The following ALKBH7 variants were observed in gnomAD, a reference collection of about 807,000 sequenced individuals.
The protein encoded by ALKBH7 is alkB homolog 7, RNA demethylase, also known as RNA demethylase ALKBH7, mitochondrial.
A neutral mutation model predicts 19.3 loss-of-function variants in ALKBH7; 21 were observed. The observed-to-expected ratio is 1.09, with a 90% CI of 0.77 to 1.56. The LOEUF (loss-of-function observed/expected upper bound fraction) is 1.56, where lower values mean the gene tolerates loss of function less well. Ranked by LOEUF, ALKBH7 falls within the 40% of genes most tolerant of loss-of-function variation. The pLI is 0.00. For synonymous variants in ALKBH7, 147 were observed against 139.5 expected (o/e 1.05, Z -0.38); for missense variants, 354 against 311.4 (o/e 1.14, Z -1.03).
At chr19:6,373,960 C>G in intron 1 of ALKBH7, 1 of 985,082 alleles carries the variant, frequency 1.0e-6, no homozygotes, top group Non-Finnish European at 1.2e-6. Flanking sequence ...TAGGGAGATT[C>G]AGCCAATTGA....
rs1201823647 is a variant in ALKBH7 at position 6,372,911 on chromosome 19, G to A, written c.91G>A (p.Asp31Asn). The change falls in exon 1 of 4, where the codon GAC becomes AAC. Residue 31 changes from aspartate to asparagine, a missense_variant. Coordinates refer to ENST00000245812, the MANE Select transcript of ALKBH7 (RefSeq NM_032306.4). ...CCCTTCCGTGCTGAGCCGCCTGCAG[G>A]ACGCGGCCGTGGTGCGGCCTGGCTT... ...SGPSVLSRLQDAAVVRPGFLS... is the reference protein window; with the variant it reads ...SGPSVLSRLQNAAVVRPGFLS... The A allele has an allele frequency of 1.3e-6, 2 of 1,557,260 alleles. No homozygotes were observed. Among genetic ancestry groups the A allele is most frequent in the East Asian group, 4.8e-5 (2 of 41,726 alleles).
intron 1 of ALKBH7, chr19:6,373,473 A>C: frequency 2.5e-6 from 1 of 407,630 alleles, no homozygotes; most frequent in Non-Finnish European, 3.9e-6. Context: ...GGGGCCAGGG[A>C]GTCGGGTGTA....
intron 1 of ALKBH7, chr19:6,373,907 A>G (rs2091906399): frequency 5.1e-6 from 5 of 984,994 alleles, no homozygotes; most frequent in African/African-American, 1.8e-5. Context: ...GAGCCAGATG[A>G]TGTTGAGAGA....
chr19:6,373,686 C>T lies in ALKBH7; in HGVS notation c.205-517C>T, dbSNP rs887221685. The T allele has an allele frequency of 1.3e-4, 165 of 1,241,002 alleles. 1 individual carries two copies. The highest frequency in any genetic ancestry group is 1.7e-4 in the Admixed American group (4 of 23,636). The allele number at this position is 1,241,002 out of a possible 1,614,324, so 76.9% of individuals were successfully genotyped here. ...GAGGTTTAGAGAGGGCAGAACCACG[C>T]TGGGGGCGGAGATAGGGGAGACACA... is the stretch of plus-strand genomic sequence containing the variant. On this transcript the variant is annotated intron_variant, in intron 1 of 3. Coordinates refer to ENST00000245812, the MANE Select transcript of ALKBH7 (RefSeq NM_032306.4).
chr19:6,373,419 T>A, intron 1 of ALKBH7: 1 of 96,280 alleles, frequency 1.0e-5, no homozygotes, highest in Non-Finnish European at 1.7e-5. Context: ...GGATGGGGCG[T>A]GGCCACGCTT....
chr19:6,373,207 G>C (rs535916104), intron 1 of ALKBH7, among the ~76,000 whole-genome samples, 183 bp downstream of exon 1: 1 of 134,384 alleles, frequency 7.4e-6, no homozygotes, highest in Admixed American at 7.8e-5. Flanking sequence ...TTACAGTACC[G>C]TTTAGCGTGG....
intron 3 of ALKBH7, 21 bp from the exon 4 acceptor site, chr19:6,374,790 A>G (rs1319346173): frequency 1.2e-6 from 2 of 1,605,184 alleles, no homozygotes; most frequent in East Asian, 4.5e-5. Flanking sequence ...GCACCCAGTC[A>G]CAGCCTGTTT....
At chr19:6,374,422 A>C in intron 2 of ALKBH7, 43 bp from the exon 3 acceptor site, 1 of 1,605,236 alleles carries the variant, frequency 6.2e-7, no homozygotes, top group African/African-American at 1.3e-5. Context: ...GGGGGTAGGC[A>C]GGCCCGGTTA....
At position 6,372,827 on chromosome 19, in the gene ALKBH7, G is replaced by A. The variant is rs761791289; in HGVS notation, c.7G>A (p.Gly3Arg). Residue 3 changes from glycine to arginine, a missense_variant, in exon 1 of 4, where the codon GGG becomes AGG. By Grantham distance (125) the Gly-to-Arg change is moderately radical. Transcript: ENST00000245812. MAGTGLLALRTLP... is the reference protein window; with the variant it reads MARTGLLALRTLP... ...ATGACCCCGCTCCGGGATTATGGCCGGGACTGGGCTGCTGGCGCTGCGGAC... is the reference window on the plus strand; with the variant it reads ...ATGACCCCGCTCCGGGATTATGGCCAGGACTGGGCTGCTGGCGCTGCGGAC... The A allele has an allele frequency of 6.5e-7, 1 of 1,544,168 alleles. No individual in the cohort carries two copies. Among genetic ancestry groups the A allele is most frequent in the South Asian group, 1.2e-5 (1 of 84,344 alleles).
At position 6,374,256 on chromosome 19, in the gene ALKBH7, G is replaced by A. The variant is rs141011103; in HGVS notation, c.258G>A (p.Arg86=). Residue 86 remains arginine, a synonymous_variant, in exon 2 of 4, where the codon CGG becomes CGA. Transcript: ENST00000245812. ...TEKSRWSEAS[R]AILQRVQAAA... is the part of the protein sequence containing the mutation. Reference sequence around the variant, plus strand: ...AGTCGCGCTGGTCAGAAGCCAGCCGGGCCATCCTGCAGCGCGTGCAGGCGG... The same window carrying A: ...AGTCGCGCTGGTCAGAAGCCAGCCGAGCCATCCTGCAGCGCGTGCAGGCGG... 36 of 1,613,238 alleles carry A rather than the reference G, an allele frequency of 2.2e-5. No homozygotes were observed. The African/African-American group carries it at 4.8e-4, about 22-fold the overall frequency.
chr19:6,374,613 A>G (rs759944662), intron 3 of ALKBH7, 24 bp downstream of exon 3: 18 of 1,611,930 alleles, frequency 1.1e-5, no homozygotes, highest in Non-Finnish European at 1.5e-5. Flanking sequence ...GGCAGCACCC[A>G]CCCCTCCAAG....
chr19:6,375,194 G>C lies in ALKBH7; in HGVS notation c.*221G>C. The C allele has an allele frequency of 7.5e-7, 1 of 1,339,330 alleles. No individual in the cohort carries two copies. Among genetic ancestry groups the C allele is most frequent in the Non-Finnish European group, 9.7e-7 (1 of 1,030,038 alleles). The allele number at this position is 1,339,330 out of a possible 1,614,324, so 83.0% of individuals were successfully genotyped here. A position where few individuals can be genotyped will look rare whatever the true frequency, so the allele number is the denominator to read the frequency against. On this transcript the variant is annotated 3_prime_UTR_variant, in exon 4 of 4. Transcript: ENST00000245812. ...ATTGCACTCACTGCTGGTCGCCCCA[G>C]CCCACTCCCCTCCTCGTTGTCTCTG...
At position 6,375,097 on chromosome 19, in the gene ALKBH7, C is replaced by G; in HGVS notation, c.*124C>G. On this transcript the variant is annotated 3_prime_UTR_variant, in exon 4 of 4. Coordinates refer to ENST00000245812, the MANE Select transcript of ALKBH7 (RefSeq NM_032306.4). Reference sequence around the variant, plus strand: ...CAGGGGAACCCAGGATGGCACTGGCCCATAGGGAGCTCCAGGTGTGGCTGG... The same window carrying G: ...CAGGGGAACCCAGGATGGCACTGGCGCATAGGGAGCTCCAGGTGTGGCTGG... 4.4e-6 allele frequency: 6 copies of G among 1,371,204 alleles called. No individual in the cohort carries two copies. Among genetic ancestry groups the G allele is most frequent in the Non-Finnish European group, 5.8e-6 (6 of 1,039,362 alleles). 84.9% of individuals were successfully genotyped at this position (1,371,204 alleles called of 1,614,324 possible). A position where few individuals can be genotyped will look rare whatever the true frequency, so the allele number is the denominator to read the frequency against.
Position 6,372,811 on chromosome 19 carries a change from C to G in ALKBH7, c.-10C>G. Reference sequence around the variant, plus strand: ...AACCCTGCCCTCTCTCATGACCCCGCTCCGGGATTATGGCCGGGACTGGGC... The same window carrying G: ...AACCCTGCCCTCTCTCATGACCCCGGTCCGGGATTATGGCCGGGACTGGGC... On this transcript the variant is annotated 5_prime_UTR_variant, in exon 1 of 4. Transcript: ENST00000245812. The G allele has an allele frequency of 4.5e-6, 7 of 1,540,614 alleles. No individual in the cohort carries two copies. The highest frequency in any genetic ancestry group is 6.1e-6 in the Non-Finnish European group (7 of 1,147,648).
Position 6,375,201 on chromosome 19 carries a change from C to G in ALKBH7, c.*228C>G. 7.4e-7 allele frequency: 1 copy of G among 1,348,536 alleles called. No individual in the cohort carries two copies. The highest frequency in any genetic ancestry group is 9.6e-7 in the Non-Finnish European group (1 of 1,040,576). 83.5% of individuals were successfully genotyped at this position (1,348,536 alleles called of 1,614,324 possible). On this transcript the variant is annotated 3_prime_UTR_variant, in exon 4 of 4. Coordinates refer to ENST00000245812, the MANE Select transcript of ALKBH7 (RefSeq NM_032306.4). Reference sequence around the variant, plus strand: ...TCACTGCTGGTCGCCCCAGCCCACTCCCCTCCTCGTTGTCTCTGCATCCAG... The same window carrying G: ...TCACTGCTGGTCGCCCCAGCCCACTGCCCTCCTCGTTGTCTCTGCATCCAG...
Position 6,374,958 on chromosome 19 carries a change from GC to G in ALKBH7, c.656del (p.Pro219GlnfsTer23), listed in dbSNP as rs767513504. ...GMGPGESGQP[P>X]PAC ...TGGGGCCAGGGGAGTCTGGACAGCC[GC>G]CCCCAGCCTGCTGACCCCCAGCTTT... On this transcript the variant is annotated frameshift_variant, in exon 4 of 4. Transcript: ENST00000245812. LOFTEE classifies it high-confidence loss of function. 4 of 1,597,166 alleles carry G rather than the reference GC, an allele frequency of 2.5e-6. No individual in the cohort carries two copies. The East Asian group carries it at 9.0e-5, about 36-fold the overall frequency.
chr19:6,373,698 A>G, intron 1 of ALKBH7: 1 of 1,240,402 alleles, frequency 8.1e-7, no homozygotes, highest in Non-Finnish European at 1.0e-6. Context: ...GGGGGCGGAG[A>G]TAGGGGAGAC....
chr19:6,373,848 A>G, intron 1 of ALKBH7: 1 of 1,309,500 alleles, frequency 7.6e-7, no homozygotes, highest in Non-Finnish European at 9.7e-7. Context: ...GGGGTCAGGG[A>G]GAGCACTTTT....
rs147815267 is a variant in ALKBH7 at position 6,374,443 on chromosome 19, C to A, written c.379-22C>A. On this transcript the variant is annotated intron_variant, in intron 2 of 3. Coordinates refer to ENST00000245812, the MANE Select transcript of ALKBH7 (RefSeq NM_032306.4). ...AGGCAGGCCCGGTTAGATCCTGACCCATCCCCACGCCTCTTTTGCAGTTCT... is the reference window on the plus strand; with the variant it reads ...AGGCAGGCCCGGTTAGATCCTGACCAATCCCCACGCCTCTTTTGCAGTTCT... 3.7e-6 allele frequency: 6 copies of A among 1,612,280 alleles called. 1 individual carries two copies. The South Asian group carries it at 6.6e-5, about 18-fold the overall frequency.
Sources: allele counts gnomAD v4.1 joint callset (sites outside exome capture counted in the v4.1 genomes callset), GRCh38; gene constraint gnomAD v4.1.1; transcripts MANE v1.5; gene names NCBI Gene and HGNC (gene_info 2026-07-23, HGNC 2026-07-21).